Variants in REDIC1 observed in about 807,000 individuals in gnomAD.
REDIC1 encodes regulator of DNA class I crossover intermediates 1.
the REDIC1 span, among the ~76,000 whole-genome samples, chr12:39,711,536 C>A: frequency 1.7e-5 from 2 of 115,534 alleles, no homozygotes; most frequent in Non-Finnish European, 3.5e-5. Flanking sequence ...TGTGTATATA[C>A]ATATATGTAT....
At chr12:39,899,117 C>T in the REDIC1 span, among the ~76,000 whole-genome samples, 1 of 151,918 alleles carries the variant, frequency 6.6e-6, no homozygotes, top group African/African-American at 2.4e-5. Context: ...GTCCTGGACT[C>T]TTTTTGGTTG....
At chr12:39,841,553 T>C in the REDIC1 span, among the ~76,000 whole-genome samples, 1 of 152,134 alleles carries the variant, frequency 6.6e-6, no homozygotes, top group South Asian at 2.1e-4. Flanking sequence ...TATAAATGTA[T>C]ATCTATATAC....
chr12:39,805,144 G>C, the REDIC1 span, among the ~76,000 whole-genome samples: 1 of 149,322 alleles, frequency 6.7e-6, no homozygotes, highest in Non-Finnish European at 1.5e-5. Context: ...GGGCAGGCCA[G>C]GCCAGGCCAG....
At chr12:39,695,074 T>C in the REDIC1 span, among the ~76,000 whole-genome samples, 1 of 152,208 alleles carries the variant, frequency 6.6e-6, no homozygotes, top group East Asian at 1.9e-4. Context: ...TGAGGAGCCC[T>C]GGGGCCCTGA....
chr12:39,884,012 A>G, the REDIC1 span, among the ~76,000 whole-genome samples: 5 of 152,332 alleles, frequency 3.3e-5, no homozygotes, highest in Admixed American at 3.3e-4. Flanking sequence ...CCAATTTCCT[A>G]TAATAAGCAT....
the REDIC1 span, among the ~76,000 whole-genome samples, chr12:39,673,796 T>G: frequency 1.3e-5 from 2 of 152,206 alleles, no homozygotes; most frequent in African/African-American, 4.8e-5. Context: ...TCTTTTATAT[T>G]TATTTACTTC....
the REDIC1 span, chr12:39,650,219 C>T: frequency 1.9e-6 from 3 of 1,540,990 alleles, no homozygotes; most frequent in South Asian, 1.3e-5. The surrounding 1 kb of genome is among the most constrained non-coding windows in gnomAD (Gnocchi z 4.3). Flanking sequence ...TTGGCAGTTT[C>T]TTCAAATTTT....
chr12:39,841,933 A>G, the REDIC1 span, among the ~76,000 whole-genome samples: 4 of 152,122 alleles, frequency 2.6e-5, no homozygotes, highest in African/African-American at 9.6e-5. Flanking sequence ...TTGTGCTAAT[A>G]TCACAGACAG....
the REDIC1 span, among the ~76,000 whole-genome samples, chr12:39,653,558 T>TTCTTCTTTTTTCTTCTTCTTCTTC: frequency 2.3e-5 from 1 of 43,842 alleles, no homozygotes; most frequent in Non-Finnish European, 5.4e-5. Flanking sequence ...CTTCTTCTTC[T>TTCTTCTTTTTTCTTCTTCTTCTTC]TTCTTCTTCT....
the REDIC1 span, among the ~76,000 whole-genome samples, chr12:39,653,930 A>G: frequency 3.9e-3 from 544 of 139,730 alleles, 3 homozygotes; most frequent in Non-Finnish European, 4.0e-3. Context: ...TTTTTAAAGT[A>G]TGATGTTAGC....
At chr12:39,844,613 T>C in the REDIC1 span, among the ~76,000 whole-genome samples, 3 of 152,068 alleles carry the variant, frequency 2.0e-5, no homozygotes, top group Non-Finnish European at 4.4e-5. Context: ...TAAAGTGTTT[T>C]GTATTTAGTA....
At chr12:39,811,297 A>G in the REDIC1 span, among the ~76,000 whole-genome samples, 80 of 151,544 alleles carry the variant, frequency 5.3e-4, no homozygotes, top group Non-Finnish European at 5.9e-4. Flanking sequence ...TTGCTTTTAC[A>G]TTTTCTATTT....
the REDIC1 span, among the ~76,000 whole-genome samples, chr12:39,677,836 A>G: frequency 6.6e-6 from 1 of 152,180 alleles, no homozygotes; most frequent in Non-Finnish European, 1.5e-5. Context: ...CTGCTCCTAA[A>G]TGATCTTTGG....
chr12:39,731,100 C>T, the REDIC1 span, among the ~76,000 whole-genome samples: 116 of 152,162 alleles, frequency 7.6e-4, no homozygotes, highest in Admixed American at 3.3e-3. Flanking sequence ...GGTTAGAACA[C>T]GCGTCTTTAG....
the REDIC1 span, among the ~76,000 whole-genome samples, chr12:39,726,123 G>A: frequency 6.6e-6 from 1 of 150,820 alleles, no homozygotes; most frequent in South Asian, 2.1e-4. Context: ...TTTTGCTGCT[G>A]CCTCCTCCTC....
At chr12:39,671,994 T>C in the REDIC1 span, among the ~76,000 whole-genome samples, 6 of 152,106 alleles carry the variant, frequency 3.9e-5, no homozygotes, top group Non-Finnish European at 8.8e-5. Flanking sequence ...GGCAGGCCTC[T>C]TCTTAAGTCC....
the REDIC1 span, among the ~76,000 whole-genome samples, chr12:39,798,598 G>T: frequency 6.6e-6 from 1 of 152,206 alleles, no homozygotes; most frequent in Non-Finnish European, 1.5e-5. Context: ...TCTGTCCTGA[G>T]CAGGCCCTCC....
chr12:39,901,098 CT>C, the REDIC1 span, among the ~76,000 whole-genome samples: 5 of 152,166 alleles, frequency 3.3e-5, no homozygotes, highest in African/African-American at 1.2e-4. Context: ...AAAGGATTCC[CT>C]ATTTAATAAA....
At chr12:39,874,593 C>G in the REDIC1 span, among the ~76,000 whole-genome samples, 2 of 112,916 alleles carry the variant, frequency 1.8e-5, no homozygotes, top group Non-Finnish European at 3.5e-5. Flanking sequence ...CCAGCCTGGG[C>G]AACAAAAGCA....
Sources: allele counts gnomAD v4.1 joint callset (sites outside exome capture counted in the v4.1 genomes callset), GRCh38; gene constraint gnomAD v4.1.1; non-coding constraint Gnocchi (gnomAD v3.1); transcripts MANE v1.5; gene names NCBI Gene and HGNC (gene_info 2026-07-23, HGNC 2026-07-21).